ITGA8: variants seen among roughly 807,000 people sequenced by gnomAD.
The protein encoded by ITGA8 is integrin alpha-8.
In ITGA8, 91 loss-of-function variants were observed where a neutral mutation model predicts 142.3. The ratio of observed to expected loss-of-function variants is 0.64; its 90% CI spans 0.54 to 0.76. ITGA8 has a LOEUF of 0.76. Among genes scored for constraint, ITGA8 ranks in the 30% least tolerant of loss-of-function variants. The pLI, the probability that ITGA8 is intolerant of heterozygous loss-of-function variation, is 0.00. For synonymous variants in ITGA8, 505 were observed against 485.2 expected, an observed-to-expected ratio of 1.04 and a Z score of -0.54; for missense variants, 1,406 against 1,327.7, an observed-to-expected ratio of 1.06 and a Z score of -0.92.
chr10:15,603,613 G>C (rs751246994), intron 20 of ITGA8, among the ~76,000 whole-genome samples: 1 of 152,200 alleles, frequency 6.6e-6, no homozygotes. Flanking sequence ...GATAAGGAAG[G>C]GGAAGACTAT....
chr10:15,574,155 A>G (rs1338976818), intron 24 of ITGA8, among the ~76,000 whole-genome samples: 1 of 151,994 alleles, frequency 6.6e-6, no homozygotes, highest in African/African-American at 2.4e-5. Context: ...AAAAGCTTAA[A>G]TGTTTCAGGT....
At chr10:15,640,720 C>T (rs556234671) in intron 13 of ITGA8, among the ~76,000 whole-genome samples, 39 of 152,280 alleles carry the variant, frequency 2.6e-4, no homozygotes, top group South Asian at 6.2e-4. Context: ...AGCCTGAGGG[C>T]AATCACAGAA....
At chr10:15,568,953 G>A (rs1216759299) in intron 25 of ITGA8, among the ~76,000 whole-genome samples, 1 of 152,208 alleles carries the variant, frequency 6.6e-6, no homozygotes, top group Non-Finnish European at 1.5e-5. Flanking sequence ...GAAGGCTTTA[G>A]AGTTAGTGGC....
At chr10:15,601,235 T>TA (rs150125064) in intron 20 of ITGA8, among the ~76,000 whole-genome samples, 5,214 of 150,470 alleles carry the variant, frequency 0.035, 252 homozygotes, top group African/African-American at 0.11. Context: ...CAAGACTCCA[T>TA]AAAAAAAAGG....
chr10:15,605,946 C>T (rs1833187745), intron 18 of ITGA8, among the ~76,000 whole-genome samples, 155 bp from the exon 19 acceptor site: 2 of 152,176 alleles, frequency 1.3e-5, no homozygotes, highest in Admixed American at 1.3e-4. Context: ...TCACAGTGAC[C>T]TCCCAATACA....
chr10:15,708,856 G>A (rs926185504), intron 2 of ITGA8, among the ~76,000 whole-genome samples: 15 of 152,128 alleles, frequency 9.9e-5, no homozygotes, highest in African/African-American at 3.6e-4. Flanking sequence ...TCAGACACCC[G>A]TGCCAATAAG....
At chr10:15,604,433 A>G in intron 19 of ITGA8, 78 bp from the exon 20 acceptor site, 1 of 1,228,488 alleles carries the variant, frequency 8.1e-7, no homozygotes, top group Non-Finnish European at 1.1e-6. Flanking sequence ...GGATTTATAG[A>G]GGAGGAAAAG....
chr10:15,583,345 C>G (rs1834448593), intron 23 of ITGA8, among the ~76,000 whole-genome samples: 1 of 151,976 alleles, frequency 6.6e-6, no homozygotes, highest in Non-Finnish European at 1.5e-5. Context: ...AGGGGAACAT[C>G]ACACAGCGGG....
At chr10:15,620,343 T>A (rs1036548392) in intron 13 of ITGA8, among the ~76,000 whole-genome samples, 7 of 151,530 alleles carry the variant, frequency 4.6e-5, no homozygotes, top group Non-Finnish European at 1.0e-4. Flanking sequence ...ACGTTCCAGA[T>A]TCTAGAAAGT....
chr10:15,604,080 C>T, intron 20 of ITGA8, 128 bp downstream of exon 20: 1 of 817,240 alleles, frequency 1.2e-6, no homozygotes, highest in Non-Finnish European at 2.0e-6. Flanking sequence ...TATGATTTAA[C>T]AAAAGAAGGT....
chr10:15,716,302 A>T (rs1316410191), intron 2 of ITGA8, among the ~76,000 whole-genome samples: 2 of 152,214 alleles, frequency 1.3e-5, no homozygotes, highest in Non-Finnish European at 2.9e-5. Flanking sequence ...GCATTCATCT[A>T]TTTATCAAGT....
intron 27 of ITGA8, among the ~76,000 whole-genome samples, chr10:15,537,119 C>G (rs1833457727): frequency 6.6e-6 from 1 of 152,146 alleles, no homozygotes; most frequent in South Asian, 2.1e-4. Context: ...CTGTTTCTGA[C>G]CAGTTTGCAT....
At chr10:15,678,226 T>C (rs1161330227) in intron 5 of ITGA8, among the ~76,000 whole-genome samples, 3 of 152,154 alleles carry the variant, frequency 2.0e-5, no homozygotes, top group Non-Finnish European at 2.9e-5. Context: ...GTAAACAGTT[T>C]ATACGTTGAT....
chr10:15,644,730 T>A (rs180951758), intron 12 of ITGA8, among the ~76,000 whole-genome samples: 54 of 151,328 alleles, frequency 3.6e-4, no homozygotes, highest in Non-Finnish European at 2.1e-4. Flanking sequence ...ATGTTTTCCA[T>A]GAAAATTCTG....
intron 18 of ITGA8, 22 bp from the exon 19 acceptor site, chr10:15,605,813 C>T (rs936486035): frequency 2.5e-6 from 4 of 1,607,066 alleles, no homozygotes; most frequent in Non-Finnish European, 2.6e-6. Flanking sequence ...AAACGCACGT[C>T]AGGAACAATC....
In ITGA8 at chr10:15,514,743, A is replaced by G. The variant is rs1832932140; in HGVS notation, c.*2415T>C. On this transcript the variant is annotated 3_prime_UTR_variant, in exon 30 of 30. Transcript: ENST00000378076. ...TAAAGGGCAGAGGGCCACTGCGTGC[A>G]TGCGCGTGTGTACAACGGCCTTCTG... is the stretch of plus-strand genomic sequence containing the variant. The G allele has an allele frequency of 6.6e-6, 1 of 152,260 alleles. No individual in the cohort carries two copies. Among genetic ancestry groups the G allele is most frequent in the East Asian group, 1.9e-4 (1 of 5,180 alleles). The allele number at this position is 152,260 out of a possible 1,614,324, so 9.4% of individuals were successfully genotyped here. A position where few individuals can be genotyped will look rare whatever the true frequency, so the allele number is the denominator to read the frequency against.
intron 4 of ITGA8, 60 bp downstream of exon 4, chr10:15,683,944 C>G: frequency 3.1e-6 from 5 of 1,602,048 alleles, no homozygotes; most frequent in South Asian, 1.1e-5. Context: ...ACCTGCACTC[C>G]TGTCTACGAT....
At chr10:15,582,246 A>C (rs1414708433) in intron 23 of ITGA8, among the ~76,000 whole-genome samples, 1 of 152,196 alleles carries the variant, frequency 6.6e-6, no homozygotes, top group Non-Finnish European at 1.5e-5. Context: ...CTCAAAAAAA[A>C]GAAGAAAAGA....
At chr10:15,587,733 T>A (rs770731648) in intron 22 of ITGA8, among the ~76,000 whole-genome samples, 2 of 152,204 alleles carry the variant, frequency 1.3e-5, no homozygotes, top group Non-Finnish European at 2.9e-5. Flanking sequence ...ATAGAAGGTG[T>A]GTGTTTAACA....
Sources: gnomAD v4.1 joint callset for allele counts (sites outside exome capture counted in the v4.1 genomes callset) on GRCh38, gnomAD v4.1.1 for gene constraint, MANE v1.5 for transcripts, NCBI Gene and HGNC (gene_info 2026-07-23, HGNC 2026-07-21) for gene names.